The following PODXL2 variants were observed in gnomAD, a reference collection of about 807,000 sequenced individuals.
PODXL2 encodes the protein podocalyxin like 2.
PODXL2 carries 17 observed loss-of-function variants against 53.4 expected under a neutral mutation model. The ratio of observed to expected loss-of-function variants is 0.32; its 90% CI spans 0.22 to 0.48. The LOEUF (loss-of-function observed/expected upper bound fraction) is 0.48. PODXL2 is among the 20% of genes least tolerant of loss of function. PODXL2 has a pLI of 0.99. For missense variants in PODXL2, 673 were observed against 760.0 expected (o/e 0.89, Z 1.35); for synonymous variants, 311 against 306.7 (o/e 1.01, Z -0.15).
intron 1 of PODXL2, among the ~76,000 whole-genome samples, chr3:127,634,983 G>A (rs1012986435): frequency 1.3e-5 from 2 of 152,140 alleles, no homozygotes; most frequent in Non-Finnish European, 2.9e-5. Flanking sequence ...TAATTCTAAT[G>A]GAGGCGTCTC....
intron 2 of PODXL2, among the ~76,000 whole-genome samples, chr3:127,644,632 A>C (rs1460947072): frequency 6.6e-6 from 1 of 152,010 alleles, no homozygotes; most frequent in Non-Finnish European, 1.5e-5. Context: ...CTTTCAGTTC[A>C]TGTCTCTTCC....
At chr3:127,633,187 G>C in intron 1 of PODXL2, among the ~76,000 whole-genome samples, 1 of 152,104 alleles carries the variant, frequency 6.6e-6, no homozygotes, top group Non-Finnish European at 1.5e-5. Flanking sequence ...TTTGGAAAGG[G>C]GTATCTTCTA....
At chr3:127,651,217 C>T (rs193031195) in intron 2 of PODXL2, among the ~76,000 whole-genome samples, 37 of 152,242 alleles carry the variant, frequency 2.4e-4, no homozygotes, top group Admixed American at 2.3e-3. Context: ...GAGTTGAGAT[C>T]GTGCCATTGC....
rs144695747 is a variant in PODXL2, at chr3:127,640,853, T to C, written c.349+1330T>C. On this transcript the variant is annotated intron_variant, in intron 2 of 7. Transcript: ENST00000342480. Reference sequence around the variant, plus strand: ...ACATTTTGTTTTCACTCAAAATATTTCATAAGTATATTTCCGCATTGTTAA... The same window carrying C: ...ACATTTTGTTTTCACTCAAAATATTCCATAAGTATATTTCCGCATTGTTAA... Among the ~76,000 whole-genome samples, 59 of 152,356 alleles carry C rather than the reference T, an allele frequency of 3.9e-4. No individual in the cohort carries two copies. The East Asian group carries it at 0.011, about 28-fold the overall frequency.
At chr3:127,635,715 TCTCTGTTTTAACAAGC>T (rs1289732737) in intron 1 of PODXL2, among the ~76,000 whole-genome samples, 1 of 152,202 alleles carries the variant, frequency 6.6e-6, no homozygotes, top group Non-Finnish European at 1.5e-5. Flanking sequence ...GGCTTAACAG[TCTCTGTTTTAACAAGC>T]CCTCATGGTG....
intron 2 of PODXL2, among the ~76,000 whole-genome samples, chr3:127,644,305 T>TA (rs2107706407): frequency 6.6e-6 from 1 of 152,152 alleles, no homozygotes; most frequent in East Asian, 1.9e-4. Flanking sequence ...AGGTGGGTTT[T>TA]ACCGTGTTGC....
At chr3:127,652,706 T>C (rs772573734) in intron 2 of PODXL2, among the ~76,000 whole-genome samples, 1 of 152,042 alleles carries the variant, frequency 6.6e-6, no homozygotes, top group Non-Finnish European at 1.5e-5. Context: ...TGTGTCCAGG[T>C]GTGGGGCTCT....
chr3:127,639,320 A>G lies in PODXL2; in HGVS notation c.146A>G (p.Asp49Gly). 6.2e-7 allele frequency: 1 copy of G among 1,613,884 alleles called. No homozygotes were observed. Among genetic ancestry groups the G allele is most frequent in the Middle Eastern group, 1.7e-4 (1 of 5,934 alleles). ...GGCCTCACCTCCACCTCCCTGCTAG[A>G]CCTCCTGCTGCCCACTGGCTTGGAG... ...PEGLTSTSLL[D>G]LLLPTGLEPL... is the part of the protein sequence containing the mutation. Residue 49 changes from aspartate to glycine, a missense_variant, in exon 2 of 8, where the codon GAC (aspartate) becomes GGC (glycine). Coordinates refer to ENST00000342480, the MANE Select transcript of PODXL2 (RefSeq NM_015720.4).
At chr3:127,652,652 C>T (rs967675442) in intron 2 of PODXL2, among the ~76,000 whole-genome samples, 1 of 152,188 alleles carries the variant, frequency 6.6e-6, no homozygotes, top group Non-Finnish European at 1.5e-5. Context: ...TAGACTTCCA[C>T]GTGTCTCCAG....
chr3:127,669,283 C>A, intron 6 of PODXL2, 81 bp downstream of exon 6: 1 of 987,778 alleles, frequency 1.0e-6, no homozygotes, highest in Non-Finnish European at 1.6e-6. Flanking sequence ...AGGAGTCTGC[C>A]CACATCGTGA....
At chr3:127,634,122 T>C (rs2074563607) in intron 1 of PODXL2, among the ~76,000 whole-genome samples, 1 of 151,842 alleles carries the variant, frequency 6.6e-6, no homozygotes. Context: ...TAGAACCAGA[T>C]TTGCATTTTA....
At chr3:127,647,057 G>A (rs2074661380) in intron 2 of PODXL2, among the ~76,000 whole-genome samples, 1 of 152,154 alleles carries the variant, frequency 6.6e-6, no homozygotes, top group African/African-American at 2.4e-5. Context: ...AACAGCTGGT[G>A]GAGTTTCTGC....
chr3:127,659,260 C>A (rs1178409531), intron 2 of PODXL2, among the ~76,000 whole-genome samples: 1 of 152,184 alleles, frequency 6.6e-6, no homozygotes, highest in Non-Finnish European at 1.5e-5. Flanking sequence ...GAAAGCCTGC[C>A]TCCTCCCCTG....
intron 1 of PODXL2, among the ~76,000 whole-genome samples, chr3:127,638,507 G>A (rs1331369756): frequency 3.3e-5 from 5 of 152,152 alleles, no homozygotes; most frequent in East Asian, 1.9e-4. Flanking sequence ...TTGAGGTCAC[G>A]AGTTCAAAAC....
chr3:127,665,885 T>C (rs779476532), intron 4 of PODXL2: 5 of 448,720 alleles, frequency 1.1e-5, no homozygotes, highest in Non-Finnish European at 1.8e-5. Flanking sequence ...AATTTAGCCA[T>C]TTCTGCAAGG....
intron 2 of PODXL2, among the ~76,000 whole-genome samples, chr3:127,642,919 A>T (rs751987119): frequency 6.6e-6 from 1 of 152,160 alleles, no homozygotes; most frequent in Non-Finnish European, 1.5e-5. Context: ...GGAAATGGAG[A>T]TAATTATATA....
At chr3:127,651,997 A>G (rs564363118) in intron 2 of PODXL2, among the ~76,000 whole-genome samples, 1 of 152,236 alleles carries the variant, frequency 6.6e-6, no homozygotes, top group Non-Finnish European at 1.5e-5. Flanking sequence ...TGCGGCCACA[A>G]AGGTACGGGC....
intron 5 of PODXL2, among the ~76,000 whole-genome samples, 199 bp downstream of exon 5, chr3:127,668,796 A>G (rs2074812452): frequency 6.6e-6 from 1 of 152,194 alleles, no homozygotes; most frequent in Non-Finnish European, 1.5e-5. Flanking sequence ...GTGAGAATTA[A>G]GGATGGGGAA....
intron 2 of PODXL2, among the ~76,000 whole-genome samples, chr3:127,645,757 G>A (rs796546830): frequency 5.3e-5 from 8 of 152,352 alleles, no homozygotes; most frequent in African/African-American, 1.9e-4. Context: ...GGCTGACAGC[G>A]AATAGTCAGG....
Sources: allele counts gnomAD v4.1 joint callset (sites outside exome capture counted in the v4.1 genomes callset), GRCh38; gene constraint gnomAD v4.1.1; transcripts MANE v1.5; gene names NCBI Gene and HGNC (gene_info 2026-07-23, HGNC 2026-07-21).